The following PLAT variants were observed in gnomAD, a reference collection of about 807,000 sequenced individuals.
The protein encoded by PLAT is plasminogen activator, tissue type, also known as tissue-type plasminogen activator.
Under a neutral mutation model 74.9 loss-of-function variants are expected in PLAT, and 48 were observed. That is an observed-to-expected ratio of 0.64 (90% CI 0.51 to 0.82). PLAT has a LOEUF of 0.82. Among genes scored for constraint, PLAT ranks in the 40% least tolerant of loss-of-function variants. The pLI is 0.00. For missense variants in PLAT, 673 were observed against 736.2 expected (o/e 0.91, Z 0.99); for synonymous variants, 307 against 294.4 (o/e 1.04, Z -0.44).
chr8:42,179,188 C>CTA (rs2129695773), intron 12 of PLAT, 125 bp from the exon 13 acceptor site: 2 of 651,108 alleles, frequency 3.1e-6, no homozygotes. Context: ...AGGTCGAATC[C>CTA]TATGACACTG....
rs1023519321 is a variant in PLAT at position 42,180,045 on chromosome 8, T to A, written c.1244A>T (p.Asp415Val). 1 of 1,608,530 alleles carries A rather than the reference T, an allele frequency of 6.2e-7. No individual in the cohort carries two copies. Among genetic ancestry groups the A allele is most frequent in the African/African-American group, 1.3e-5 (1 of 74,940 alleles). ...GCTCTCCTGGGCACAGCGGGACGAA[T>A]CCGATTTCAGCTGCAGCAGCGCTGG... is the stretch of plus-strand genomic sequence containing the variant. ...NDIALLQLKS[D>V]SSRCAQESSV... The change falls in exon 12 of 14, where the codon GAT becomes GTT. Residue 415 changes from aspartate (D) to valine (V), a missense_variant. Coordinates refer to ENST00000220809, the MANE Select transcript of PLAT (RefSeq NM_000930.5).
intron 12 of PLAT, 95 bp from the exon 13 acceptor site, chr8:42,179,158 A>G (rs1805106566): frequency 1.2e-6 from 1 of 810,684 alleles, no homozygotes; most frequent in South Asian, 1.6e-5. Context: ...GCTAACATTG[A>G]TCAAGATTCA....
At chr8:42,203,801 C>CA (rs565429839) in intron 1 of PLAT, among the ~76,000 whole-genome samples, 175 of 151,902 alleles carry the variant, frequency 1.2e-3, no homozygotes, top group African/African-American at 3.7e-3. Flanking sequence ...TCTGCTTCTA[C>CA]AAAAAAATTT....
Position 42,175,921 on chromosome 8 carries a change from G to A in PLAT, c.*72C>T. The A allele has an allele frequency of 6.7e-7, 1 of 1,483,672 alleles. No individual in the cohort carries two copies. Among genetic ancestry groups the A allele is most frequent in the South Asian group, 1.2e-5 (1 of 83,150 alleles). The allele number at this position is 1,483,672 out of a possible 1,614,324, so 91.9% of individuals were successfully genotyped here. On this transcript the variant is annotated 3_prime_UTR_variant, in exon 14 of 14. Coordinates refer to ENST00000220809, the MANE Select transcript of PLAT (RefSeq NM_000930.5). The stretch of plus-strand genomic sequence containing the variant: ...CTGGAGAAGTCTGTAGAGAAGCACT[G>A]CGCCTTTGCAGTGTCTTCTGAAGAA...
At chr8:42,179,160 C>T (rs1477902885) in intron 12 of PLAT, 97 bp from the exon 13 acceptor site, 6 of 780,376 alleles carry the variant, frequency 7.7e-6, no homozygotes, top group Admixed American at 4.6e-5. Context: ...TAACATTGAT[C>T]AAGATTCAAC....
chr8:42,179,073 G>GA lies in PLAT; in HGVS notation c.1364-11dup. The GA allele has an allele frequency of 1.2e-6, 2 of 1,601,258 alleles. No homozygotes were observed. Among genetic ancestry groups the GA allele is most frequent in the Non-Finnish European group, 1.7e-6 (2 of 1,171,952 alleles). On this transcript the variant is annotated splice_polypyrimidine_tract_variant and intron_variant, in intron 12 of 13. Coordinates refer to ENST00000220809, the MANE Select transcript of PLAT (RefSeq NM_000930.5). Reference sequence around the variant, plus strand: ...GAATAGAAAGGAGACACTGAAAGGGGAGAACCATCATATGGTTTTAGGGAA... The same window carrying GA: ...GAATAGAAAGGAGACACTGAAAGGGGAAGAACCATCATATGGTTTTAGGGAA...
chr8:42,188,138 G>A (rs989203780), intron 4 of PLAT, 122 bp from the exon 5 acceptor site: 3 of 603,290 alleles, frequency 5.0e-6, no homozygotes, highest in East Asian at 2.8e-5. Context: ...TGGAACACGC[G>A]TATACCAGTT....
intron 1 of PLAT, among the ~76,000 whole-genome samples, chr8:42,200,691 A>AAC (rs1242304745): frequency 6.6e-6 from 1 of 151,352 alleles, no homozygotes; most frequent in Non-Finnish European, 1.5e-5. Context: ...AAAAAAAAAA[A>AAC]AAGTATAAGC....
intron 7 of PLAT, chr8:42,184,566 G>T (rs1587932198): frequency 6.7e-6 from 1 of 148,974 alleles, no homozygotes; most frequent in Non-Finnish European, 1.5e-5. Context: ...CACCATGTTG[G>T]CCAGGCTGGT....
chr8:42,188,415 G>A (rs2070711), intron 4 of PLAT: 20,308 of 172,546 alleles, frequency 0.12, 1,310 homozygotes, highest in East Asian at 0.19. Flanking sequence ...GGAAACTGAG[G>A]CAAGCGGGCA....
At chr8:42,182,061 CTTATTTT>C in intron 8 of PLAT, 39 bp from the exon 9 acceptor site, 1 of 1,331,804 alleles carries the variant, frequency 7.5e-7, no homozygotes. Flanking sequence ...TTTTTATCTT[CTTATTTT>C]TTAATTTTTG....
intron 13 of PLAT, 56 bp from the exon 14 acceptor site, chr8:42,176,207 A>G: frequency 7.3e-7 from 1 of 1,379,186 alleles, no homozygotes; most frequent in Non-Finnish European, 1.0e-6. Context: ...ATCTGGAGAA[A>G]GTCAGTATGT....
chr8:42,180,748 G>T, intron 9 of PLAT, 63 bp from the exon 10 acceptor site: 1 of 1,247,970 alleles, frequency 8.0e-7, no homozygotes, highest in Non-Finnish European at 1.1e-6. Context: ...TGTAGGTAGA[G>T]TGAGGAGGCC....
chr8:42,192,223 C>G (rs933501770), intron 2 of PLAT, among the ~76,000 whole-genome samples: 1 of 152,002 alleles, frequency 6.6e-6, no homozygotes, highest in Non-Finnish European at 1.5e-5. Flanking sequence ...AGACTGGTCT[C>G]CAACTCCTGG....
chr8:42,181,847 A>AC, intron 9 of PLAT, 90 bp downstream of exon 9: 1 of 725,822 alleles, frequency 1.4e-6, no homozygotes, highest in Non-Finnish European at 2.4e-6. Flanking sequence ...CACAGTCTGC[A>AC]CCAGACAGCC....
chr8:42,183,903 A>G (rs893875972), intron 7 of PLAT, among the ~76,000 whole-genome samples: 5 of 151,876 alleles, frequency 3.3e-5, no homozygotes, highest in Admixed American at 1.3e-4. Flanking sequence ...TAAATTTAAT[A>G]TATGTGTATT....
chr8:42,189,297 CACTT>C (rs1433458553), intron 3 of PLAT, among the ~76,000 whole-genome samples: 1 of 152,028 alleles, frequency 6.6e-6, no homozygotes, highest in Non-Finnish European at 1.5e-5. Flanking sequence ...GTGGGTGAAT[CACTT>C]GAGCTCAGGA....
At chr8:42,194,477 G>T (rs1805829426) in intron 1 of PLAT, among the ~76,000 whole-genome samples, 2 of 152,144 alleles carry the variant, frequency 1.3e-5, no homozygotes, top group Admixed American at 1.3e-4. Flanking sequence ...GTCTGTCAAT[G>T]CTGGGAGATA....
chr8:42,181,344 A>G (rs1440350242), intron 9 of PLAT, among the ~76,000 whole-genome samples: 7 of 152,196 alleles, frequency 4.6e-5, no homozygotes, highest in African/African-American at 9.6e-5. Context: ...TGAATCTCCT[A>G]TCTCTCACCC....
Sources: allele counts gnomAD v4.1 joint callset (sites outside exome capture counted in the v4.1 genomes callset), GRCh38; gene constraint gnomAD v4.1.1; transcripts MANE v1.5; gene names NCBI Gene and HGNC (gene_info 2026-07-23, HGNC 2026-07-21).